Variants in PTPRN2 observed in about 807,000 individuals in gnomAD.
The protein encoded by PTPRN2 is protein tyrosine phosphatase receptor type N2.
Under a neutral mutation model 118.8 loss-of-function variants are expected in PTPRN2, and 74 were observed. The observed-to-expected ratio is 0.62, with a 90% CI of 0.52 to 0.76. The LOEUF is 0.76. Among genes scored for constraint, PTPRN2 ranks in the 30% least tolerant of loss-of-function variants. The probability of loss-of-function intolerance (pLI) is 0.00; values close to 1 mark genes in which losing one functional copy is unlikely to be tolerated. For synonymous variants in PTPRN2, 641 were observed against 608.0 expected (o/e 1.05, Z -0.80); for missense variants, 1,481 against 1,394.4 (o/e 1.06, Z -0.99).
chr7:158,497,380 C>CA (rs1489959920), intron 1 of PTPRN2, among the ~76,000 whole-genome samples: 8 of 150,804 alleles, frequency 5.3e-5, no homozygotes, highest in Non-Finnish European at 1.2e-4. Flanking sequence ...TGGAGCCCCC[C>CA]AGTAAGTCCT....
intron 2 of PTPRN2, among the ~76,000 whole-genome samples, chr7:158,448,684 C>T (rs981428714): frequency 6.6e-6 from 1 of 152,182 alleles, no homozygotes; most frequent in Non-Finnish European, 1.5e-5. Context: ...GACAAGTGTT[C>T]CCCGGGGCTC....
chr7:157,610,415 G>A lies in PTPRN2; in HGVS notation c.2345-6340C>T, dbSNP rs1802261533. On this transcript the variant is annotated intron_variant, in intron 15 of 22. Coordinates refer to ENST00000389418, the MANE Select transcript of PTPRN2 (RefSeq NM_002847.5). The surrounding 1 kb of genome is among the most constrained non-coding windows in gnomAD (Gnocchi z 5.1). ...TGTTGATGGTGTGGCCTGTGGAGAGGTGGAGCCGGTGTCTTGCTCCTAGAG... is the reference window on the plus strand; with the variant it reads ...TGTTGATGGTGTGGCCTGTGGAGAGATGGAGCCGGTGTCTTGCTCCTAGAG... Among the ~76,000 whole-genome samples, 1 of 152,222 alleles carries A rather than the reference G, an allele frequency of 6.6e-6. No individual in the cohort carries two copies. The highest frequency in any genetic ancestry group is 2.4e-5 in the African/African-American group (1 of 41,456).
intron 1 of PTPRN2, among the ~76,000 whole-genome samples, chr7:158,498,223 T>C (rs148215831): frequency 5.3e-4 from 80 of 152,374 alleles, no homozygotes; most frequent in Middle Eastern, 6.8e-3. Flanking sequence ...ACCAGCTCAC[T>C]CCACCCTGGA....
intron 12 of PTPRN2, among the ~76,000 whole-genome samples, chr7:157,877,980 T>C (rs190999144): frequency 2.4e-4 from 36 of 152,272 alleles, no homozygotes; most frequent in African/African-American, 8.2e-4. Context: ...CCAAGGAAAA[T>C]CCCGCGTATG....
chr7:157,578,359 TA>T (rs1245339526), intron 17 of PTPRN2, among the ~76,000 whole-genome samples: 1 of 152,192 alleles, frequency 6.6e-6, no homozygotes, highest in Admixed American at 6.5e-5. Flanking sequence ...CCCGCAAATT[TA>T]TCCCATGCCA....
Position 157,598,705 on chromosome 7 carries a change from C to A in PTPRN2, c.2419-3390G>T, listed in dbSNP as rs1393094189. 2.0e-5 allele frequency among the ~76,000 whole-genome samples: 3 copies of A among 152,250 alleles called. No individual in the cohort carries two copies. The highest frequency in any genetic ancestry group is 4.4e-5 in the Non-Finnish European group (3 of 68,052). ...GTAAATTTATTAGGTGAACGCCAAG[C>A]TGTCAGGCGGTCTGCGGCCCGTGAA... On this transcript the variant is annotated intron_variant, in intron 16 of 22. Coordinates refer to ENST00000389418, the MANE Select transcript of PTPRN2 (RefSeq NM_002847.5). The surrounding 1 kb of genome is among the most constrained non-coding windows in gnomAD (Gnocchi z 5.2).
chr7:158,223,838 AT>A (rs576329312), intron 3 of PTPRN2, among the ~76,000 whole-genome samples: 12 of 152,236 alleles, frequency 7.9e-5, no homozygotes, highest in South Asian at 6.2e-4. Context: ...TAAAAAAAAA[AT>A]AAAAGATATG....
intron 3 of PTPRN2, among the ~76,000 whole-genome samples, chr7:158,211,625 TC>T (rs1271237529): frequency 6.6e-6 from 1 of 152,146 alleles, no homozygotes; most frequent in Non-Finnish European, 1.5e-5. Context: ...GTGCTCAACA[TC>T]ACTGATCATC....
intron 14 of PTPRN2, 88 bp downstream of exon 14, chr7:157,656,269 T>G: frequency 1.5e-6 from 2 of 1,341,736 alleles, no homozygotes; most frequent in Non-Finnish European, 2.0e-6. Context: ...TCCCCGAGGG[T>G]CAGCGGGCGC....
intron 6 of PTPRN2, among the ~76,000 whole-genome samples, chr7:158,159,690 G>A: frequency 6.6e-6 from 1 of 152,102 alleles, no homozygotes; most frequent in Non-Finnish European, 1.5e-5. Flanking sequence ...AGAAAACGGT[G>A]TCTGATGCAT....
chr7:157,998,404 A>G (rs1171362871), intron 11 of PTPRN2, among the ~76,000 whole-genome samples: 1 of 152,204 alleles, frequency 6.6e-6, no homozygotes, highest in Admixed American at 6.5e-5. Flanking sequence ...CGCTGAGGAC[A>G]GCAGACCACC....
intron 1 of PTPRN2, among the ~76,000 whole-genome samples, chr7:158,523,287 G>C (rs934930993): frequency 6.6e-6 from 1 of 152,172 alleles, no homozygotes; most frequent in East Asian, 1.9e-4. Context: ...CCACGGTGAG[G>C]GCTGGTGCGG....
At chr7:158,054,580 G>C (rs1404756109) in intron 11 of PTPRN2, among the ~76,000 whole-genome samples, 2 of 152,186 alleles carry the variant, frequency 1.3e-5, no homozygotes, top group Non-Finnish European at 2.9e-5. Flanking sequence ...CATGGGTGAG[G>C]TCTCGCAGGT....
chr7:158,121,047 T>G (rs904935454), intron 9 of PTPRN2, among the ~76,000 whole-genome samples: 1 of 152,104 alleles, frequency 6.6e-6, no homozygotes, highest in Non-Finnish European at 1.5e-5. Context: ...CTTCCTTTTT[T>G]TCGTGTGGCT....
chr7:157,649,463 G>A (rs1318503377), intron 14 of PTPRN2, among the ~76,000 whole-genome samples: 12 of 144,536 alleles, frequency 8.3e-5, no homozygotes, highest in South Asian at 6.7e-4. Flanking sequence ...CCCATCTAGC[G>A]TGCACTGAAC....
chr7:158,137,146 C>T lies in PTPRN2; in HGVS notation c.1133-451G>A, dbSNP rs139699752. Among the ~76,000 whole-genome samples the T allele has an allele frequency of 4.1e-3, 619 of 152,288 alleles. 5 individuals carry two copies. The highest frequency in any genetic ancestry group is 0.014 in the African/African-American group (590 of 41,570). ...TCTAAATAGGTACCCCGGCTGGGCG[C>T]GGTGGCTCACGCCTGTAATCCCAGC... On this transcript the variant is annotated intron_variant, in intron 7 of 22. Transcript: ENST00000389418.
In PTPRN2 at chr7:157,663,352, G is replaced by A. The variant is rs1322250326; in HGVS notation, c.2002-6801C>T. Among the ~76,000 whole-genome samples, 5 of 152,286 alleles carry A rather than the reference G, an allele frequency of 3.3e-5. No individual in the cohort carries two copies. The East Asian group carries it at 7.7e-4, about 24-fold the overall frequency. On this transcript the variant is annotated intron_variant, in intron 13 of 22. Coordinates refer to ENST00000389418, the MANE Select transcript of PTPRN2 (RefSeq NM_002847.5). ...GTCCTGCACGTGCCCCTGGGAAGAC[G>A]TGGCTGCAGGCCCAACTCCTGGTGT...
intron 2 of PTPRN2, among the ~76,000 whole-genome samples, chr7:158,414,204 C>T (rs992796244): frequency 2.0e-5 from 3 of 152,202 alleles, no homozygotes; most frequent in Admixed American, 1.3e-4. Flanking sequence ...TGCTCAACCC[C>T]GAACGGCCCA....
At chr7:158,409,486 A>G (rs1813857370) in intron 2 of PTPRN2, among the ~76,000 whole-genome samples, 1 of 152,046 alleles carries the variant, frequency 6.6e-6, no homozygotes, top group African/African-American at 2.4e-5. Context: ...TGCTGCTAAC[A>G]GATAGAGTCA....
Sources: gnomAD v4.1 joint callset for allele counts (sites outside exome capture counted in the v4.1 genomes callset) on GRCh38, gnomAD v4.1.1 for gene constraint, Gnocchi (gnomAD v3.1) non-coding constraint, MANE v1.5 for transcripts, NCBI Gene and HGNC (gene_info 2026-07-23, HGNC 2026-07-21) for gene names.